TJP1: variants seen among roughly 807,000 people sequenced by gnomAD.
TJP1 encodes the protein tight junction protein ZO-1.
A neutral mutation model predicts 194.2 loss-of-function variants in TJP1; 43 were observed. The observed-to-expected ratio is 0.22, with a 90% CI of 0.17 to 0.29. The LOEUF is 0.29. Ranked by LOEUF, TJP1 falls within the 10% of genes least tolerant of loss-of-function variation. The probability of loss-of-function intolerance (pLI) is 1.00; values close to 1 mark genes in which losing one functional copy is unlikely to be tolerated. For synonymous variants in TJP1, 801 were observed against 779.0 expected, an observed-to-expected ratio of 1.03 and a Z score of -0.47; for missense variants, 1,971 against 2,185.7, an observed-to-expected ratio of 0.90 and a Z score of 1.96.
At chr15:29,946,556 T>G (rs1294499036) in intron 2 of TJP1, among the ~76,000 whole-genome samples, 1 of 152,218 alleles carries the variant, frequency 6.6e-6, no homozygotes. Context: ...CTTCCCAGGA[T>G]GCATGGCCTG....
chr15:29,735,001 A>G, intron 11 of TJP1, among the ~76,000 whole-genome samples: 1 of 152,170 alleles, frequency 6.6e-6, no homozygotes, highest in East Asian at 1.9e-4. Flanking sequence ...AAAAAAATCA[A>G]AAGAAAATGG....
intron 1 of TJP1, among the ~76,000 whole-genome samples, chr15:29,815,543 A>G (rs2049852874): frequency 6.6e-6 from 1 of 152,238 alleles, no homozygotes. Flanking sequence ...TCAGTCATAC[A>G]CAATGCTGAG....
intron 1 of TJP1, among the ~76,000 whole-genome samples, chr15:29,959,891 T>C (rs2056091735): frequency 6.6e-6 from 1 of 152,214 alleles, no homozygotes. Flanking sequence ...AGAAACATTG[T>C]ACAGCTTTGT....
intron 2 of TJP1, among the ~76,000 whole-genome samples, chr15:29,875,709 G>A (rs1036862797): frequency 3.9e-5 from 6 of 152,170 alleles, no homozygotes; most frequent in Non-Finnish European, 7.3e-5. Context: ...TGGGATTACA[G>A]GCGTGCGCCA....
intron 2 of TJP1, among the ~76,000 whole-genome samples, chr15:29,922,122 C>T (rs958335318): frequency 5.3e-5 from 8 of 152,160 alleles, no homozygotes; most frequent in Admixed American, 2.0e-4. Context: ...GTCGGGATTA[C>T]AGGTGTGAGC....
chr15:29,741,491 G>T, intron 9 of TJP1, 55 bp from the exon 10 acceptor site: 1 of 1,180,948 alleles, frequency 8.5e-7, no homozygotes, highest in Non-Finnish European at 1.3e-6. Context: ...GAATAATAAT[G>T]CAAGCAACCA....
chr15:29,906,781 T>C (rs924651655), intron 2 of TJP1, among the ~76,000 whole-genome samples: 3 of 151,782 alleles, frequency 2.0e-5, no homozygotes, highest in Non-Finnish European at 2.9e-5. Context: ...GGTTTCACCA[T>C]GTTAGCCAGG....
intron 2 of TJP1, among the ~76,000 whole-genome samples, chr15:29,949,550 ACAACCACCAC>A (rs2055509312): frequency 3.6e-5 from 4 of 110,998 alleles, no homozygotes; most frequent in African/African-American, 1.4e-4. Flanking sequence ...CACCACCTCC[ACAACCACCAC>A]CTCCACTTCC....
intron 15 of TJP1, chr15:29,729,295 G>A (rs1314915626): frequency 6.6e-6 from 1 of 152,094 alleles, no homozygotes; most frequent in Non-Finnish European, 1.5e-5. Flanking sequence ...GTAAGACCTT[G>A]TCTCAAACAA....
intron 2 of TJP1, among the ~76,000 whole-genome samples, chr15:29,833,043 C>T (rs771117370): frequency 2.0e-5 from 3 of 152,122 alleles, no homozygotes; most frequent in Non-Finnish European, 2.9e-5. Context: ...ACTCTGAGAA[C>T]AAATCATGTT....
chr15:29,942,618 C>T (rs1432269351), intron 2 of TJP1, among the ~76,000 whole-genome samples: 1 of 152,214 alleles, frequency 6.6e-6, no homozygotes, highest in Admixed American at 6.5e-5. Context: ...AGCCTCAAGT[C>T]TCTCTGACTC....
intron 2 of TJP1, among the ~76,000 whole-genome samples, chr15:29,839,685 A>G (rs1254671116): frequency 6.6e-6 from 1 of 152,150 alleles, no homozygotes. Context: ...TTATACGAAA[A>G]CCGTGAAACT....
intron 1 of TJP1, among the ~76,000 whole-genome samples, chr15:29,816,587 T>C (rs1316957038): frequency 6.6e-6 from 1 of 152,196 alleles, no homozygotes; most frequent in Non-Finnish European, 1.5e-5. Context: ...TCTCACAAAC[T>C]ACAGTGAGTT....
intron 2 of TJP1, among the ~76,000 whole-genome samples, chr15:29,853,428 T>C (rs765549770): frequency 3.9e-5 from 6 of 152,180 alleles, no homozygotes; most frequent in Non-Finnish European, 7.3e-5. Context: ...CTGAATAAGA[T>C]CAGTGGATTA....
At chr15:29,826,284 T>C (rs2050673488), upstream of TJP1, among the ~76,000 whole-genome samples, 1 of 152,174 alleles carries the variant, frequency 6.6e-6, no homozygotes, top group Non-Finnish European at 1.5e-5. Context: ...GGAGTTTTCT[T>C]TTTTCAGGGT....
Position 29,785,595 on chromosome 15 carries a change from T to G in TJP1, c.85-12238A>C, listed in dbSNP as rs189133329. Among the ~76,000 whole-genome samples the G allele has an allele frequency of 1.9e-3, 283 of 152,350 alleles. 1 individual carries two copies. The highest frequency in any genetic ancestry group is 6.8e-3 in the Middle Eastern group (2 of 294). Reference sequence around the variant, plus strand: ...TTCCTATTGAATATGCCCAATTACCTACTTAAGGATTCCACTTGTTGCCTT... The same window carrying G: ...TTCCTATTGAATATGCCCAATTACCGACTTAAGGATTCCACTTGTTGCCTT... On this transcript the variant is annotated intron_variant, in intron 2 of 27. Transcript: ENST00000614355.
At chr15:29,801,200 AC>A (rs2048758196) in intron 1 of TJP1, among the ~76,000 whole-genome samples, 1 of 152,158 alleles carries the variant, frequency 6.6e-6, no homozygotes, top group Non-Finnish European at 1.5e-5. Flanking sequence ...TGACTACTCT[AC>A]CTAGTTTCAG....
At chr15:29,746,372 C>T (rs1287840101) in intron 8 of TJP1, among the ~76,000 whole-genome samples, 1 of 149,576 alleles carries the variant, frequency 6.7e-6, no homozygotes, top group East Asian at 2.0e-4. Flanking sequence ...AGTGAGACTC[C>T]GTCTCAAAAA....
intron 2 of TJP1, among the ~76,000 whole-genome samples, chr15:29,871,217 A>T (rs1191487521): frequency 6.6e-6 from 1 of 152,254 alleles, no homozygotes; most frequent in African/African-American, 2.4e-5. Flanking sequence ...ACACAGTCCT[A>T]AAAACGTATG....
Sources: allele counts gnomAD v4.1 joint callset (sites outside exome capture counted in the v4.1 genomes callset), GRCh38; gene constraint gnomAD v4.1.1; transcripts MANE v1.5; gene names NCBI Gene and HGNC (gene_info 2026-07-23, HGNC 2026-07-21).